The following LAMA3 variants were observed in gnomAD, a reference collection of about 807,000 sequenced individuals.
LAMA3 encodes laminin subunit alpha-3.
A neutral mutation model predicts 402.0 loss-of-function variants in LAMA3; 281 were observed. The observed-to-expected ratio is 0.70, with a 90% CI of 0.63 to 0.77. The LOEUF (loss-of-function observed/expected upper bound fraction) is 0.77, where lower values mean the gene tolerates loss of function less well. LAMA3 is among the 30% of genes least tolerant of loss of function. LAMA3 has a pLI of 0.00. For missense variants in LAMA3, 3,840 were observed against 4,215.5 expected, an observed-to-expected ratio of 0.91 and a Z score of 2.47; for synonymous variants, 1,431 against 1,558.4, an observed-to-expected ratio of 0.92 and a Z score of 1.93.
At chr18:23,807,729 A>G (rs1188372391) in intron 12 of LAMA3, among the ~76,000 whole-genome samples, 1 of 152,198 alleles carries the variant, frequency 6.6e-6, no homozygotes, top group Non-Finnish European at 1.5e-5. Context: ...GACCACTCAC[A>G]TGATGGAAGA....
chr18:23,784,925 T>C (rs999659699), intron 12 of LAMA3, among the ~76,000 whole-genome samples: 2 of 152,182 alleles, frequency 1.3e-5, no homozygotes, highest in African/African-American at 4.8e-5. Flanking sequence ...CTTCAGACAC[T>C]ATAAAAAGAA....
At chr18:23,872,358 A>C (rs2064551344) in intron 38 of LAMA3, among the ~76,000 whole-genome samples, 1 of 152,234 alleles carries the variant, frequency 6.6e-6, no homozygotes, top group African/African-American at 2.4e-5. Flanking sequence ...ATGTGCCATA[A>C]AATGAAACTG....
intron 24 of LAMA3, chr18:23,834,649 G>A (rs1454062774): frequency 2.6e-5 from 4 of 154,616 alleles, no homozygotes; most frequent in Non-Finnish European, 5.7e-5. Flanking sequence ...TACTAAATGG[G>A]ACTGGAAGTC....
intron 1 of LAMA3, among the ~76,000 whole-genome samples, chr18:23,694,483 A>C (rs1158487958): frequency 6.6e-6 from 1 of 152,226 alleles, no homozygotes; most frequent in Non-Finnish European, 1.5e-5. Context: ...AGCATATTAC[A>C]CATTGAGTTC....
chr18:23,916,816 G>A (rs1304807168), intron 60 of LAMA3, 121 bp downstream of exon 60: 4 of 970,898 alleles, frequency 4.1e-6, no homozygotes, highest in African/African-American at 3.2e-5. Flanking sequence ...AATGTTACCT[G>A]CATCCTTTTC....
At chr18:23,832,649 A>C (rs2063509836) in intron 23 of LAMA3, among the ~76,000 whole-genome samples, 1 of 152,216 alleles carries the variant, frequency 6.6e-6, no homozygotes, top group Admixed American at 6.5e-5. Flanking sequence ...TACTAGCATT[A>C]GGATATATGC....
At chr18:23,928,075 T>G in intron 62 of LAMA3, 48 bp from the exon 63 acceptor site, 1 of 1,316,146 alleles carries the variant, frequency 7.6e-7, no homozygotes, top group Non-Finnish European at 1.1e-6. Context: ...TGATTTCACG[T>G]GAGCCTGACA....
chr18:23,878,279 G>T (rs2064788208), intron 39 of LAMA3, among the ~76,000 whole-genome samples: 1 of 152,186 alleles, frequency 6.6e-6, no homozygotes, highest in Non-Finnish European at 1.5e-5. Context: ...AATCAAACAA[G>T]ATTTTCTTTC....
At position 23,827,487 on chromosome 18, in the gene LAMA3, A is replaced by T; in HGVS notation, c.2823+20A>T. The T allele has an allele frequency of 4.3e-6, 7 of 1,613,112 alleles. No individual in the cohort carries two copies. The highest frequency in any genetic ancestry group is 5.9e-6 in the Non-Finnish European group (7 of 1,179,762). ...AGAGAGGTGGGCCAGCCTTTTATTT[A>T]TTATCAAAGTTATTACTACCTCCCC... On this transcript the variant is annotated intron_variant, in intron 23 of 74. Coordinates refer to ENST00000313654, the MANE Select transcript of LAMA3 (RefSeq NM_198129.4).
At chr18:23,916,021 A>G (rs1244046507) in intron 59 of LAMA3, among the ~76,000 whole-genome samples, 2 of 146,130 alleles carry the variant, frequency 1.4e-5, no homozygotes, top group East Asian at 3.9e-4. Flanking sequence ...AAAAAAAAAA[A>G]AAAAAAAAAA....
At chr18:23,853,342 C>T (rs1467282860) in intron 32 of LAMA3, among the ~76,000 whole-genome samples, 2 of 152,122 alleles carry the variant, frequency 1.3e-5, no homozygotes, top group African/African-American at 2.4e-5. Flanking sequence ...GGCGTGATCT[C>T]GGCTCACCGC....
chr18:23,828,878 C>A (rs1002224983), intron 23 of LAMA3, among the ~76,000 whole-genome samples: 3 of 152,024 alleles, frequency 2.0e-5, no homozygotes, highest in African/African-American at 7.2e-5. Flanking sequence ...TCTTTTCTGC[C>A]AGTTTTTGTT....
chr18:23,853,951 C>T (rs2064003626), intron 32 of LAMA3, among the ~76,000 whole-genome samples: 1 of 152,232 alleles, frequency 6.6e-6, no homozygotes, highest in African/African-American at 2.4e-5. Flanking sequence ...ACTGTCTTTG[C>T]ACAGGATGCA....
At chr18:23,765,887 T>C (rs1376974437) in intron 8 of LAMA3, among the ~76,000 whole-genome samples, 2 of 152,114 alleles carry the variant, frequency 1.3e-5, no homozygotes, top group African/African-American at 2.4e-5. Flanking sequence ...AATTTGAAGA[T>C]AGATTAGTAG....
chr18:23,906,560 C>T (rs1177099351), intron 52 of LAMA3, among the ~76,000 whole-genome samples: 6 of 152,158 alleles, frequency 3.9e-5, no homozygotes, highest in African/African-American at 1.4e-4. Context: ...CATTCAGCCT[C>T]TTAGTCCTTT....
intron 67 of LAMA3, among the ~76,000 whole-genome samples, chr18:23,935,896 C>T (rs1224413115): frequency 1.3e-5 from 2 of 151,992 alleles, no homozygotes; most frequent in Non-Finnish European, 2.9e-5. Context: ...ACCCCAGGAA[C>T]TGGGTCTGGA....
intron 18 of LAMA3, among the ~76,000 whole-genome samples, chr18:23,819,091 T>C (rs552570910): frequency 8.5e-5 from 13 of 152,310 alleles, no homozygotes; most frequent in Admixed American, 2.0e-4. Flanking sequence ...TATAGGAGCA[T>C]GGCCTTTTAT....
In LAMA3 at chr18:23,689,969, A is replaced by G. The variant is rs1281009296; in HGVS notation, c.286A>G (p.Thr96Ala). The G allele has an allele frequency of 6.7e-7, 1 of 1,500,700 alleles. No individual in the cohort carries two copies. Among genetic ancestry groups the G allele is most frequent in the Non-Finnish European group, 8.9e-7 (1 of 1,123,974 alleles). 93.0% of individuals were successfully genotyped at this position (1,500,700 alleles called of 1,614,324 possible). The change falls in exon 1 of 75, where the codon ACC becomes GCC. Residue 96 changes from threonine (T) to alanine (A), a missense_variant. Coordinates refer to ENST00000313654, the MANE Select transcript of LAMA3 (RefSeq NM_198129.4). The part of the protein sequence containing the change: ...GGPTAPGSGH[T>A]IQGQFCDYCN... ...CCCCACCGCCCCAGGCAGCGGCCAC[A>G]CCATCCAGGTGAGGGCCTCGGAGAG...
chr18:23,791,595 A>C (rs1361159633), intron 12 of LAMA3, among the ~76,000 whole-genome samples: 2 of 152,158 alleles, frequency 1.3e-5, no homozygotes, highest in East Asian at 3.9e-4. Flanking sequence ...TTAGCCAGGC[A>C]TCGTGGTGCA....
Sources: allele counts gnomAD v4.1 joint callset (sites outside exome capture counted in the v4.1 genomes callset), GRCh38; gene constraint gnomAD v4.1.1; transcripts MANE v1.5; gene names NCBI Gene and HGNC (gene_info 2026-07-23, HGNC 2026-07-21).